The following CSN2 variants were observed in gnomAD, a reference collection of about 807,000 sequenced individuals.
CSN2 encodes the protein casein beta, also known as beta-casein.
In CSN2, 27 loss-of-function variants were observed where a neutral mutation model predicts 27.3. That is an observed-to-expected ratio of 0.99 (90% confidence interval 0.73 to 1.36). CSN2 has a LOEUF of 1.36. Among genes scored for constraint, CSN2 ranks in the 40% most tolerant of loss-of-function variants. The pLI, the probability that CSN2 is intolerant of heterozygous loss-of-function variation, is 0.00. For synonymous variants in CSN2, 131 were observed against 94.8 expected (o/e 1.38, Z -2.22); for missense variants, 333 against 264.5 (o/e 1.26, Z -1.80).
At chr4:69,962,630 C>A (rs1560400250) in intron 1 of CSN2, among the ~76,000 whole-genome samples, 1 of 152,146 alleles carries the variant, frequency 6.6e-6, no homozygotes, top group African/African-American at 2.4e-5. Flanking sequence ...ACCATAAAAA[C>A]CCTAGAAGAA....
intron 1 of CSN2, among the ~76,000 whole-genome samples, chr4:69,965,071 T>C (rs1723751169): frequency 6.6e-6 from 1 of 151,540 alleles, no homozygotes; most frequent in South Asian, 2.1e-4. Flanking sequence ...AATTCTGTAT[T>C]TCTGTCTCAT....
intron 5 of CSN2, 91 bp from the exon 6 acceptor site, chr4:69,957,895 A>T: frequency 8.7e-7 from 1 of 1,145,000 alleles, no homozygotes; most frequent in Non-Finnish European, 1.2e-6. Flanking sequence ...GACAATGATA[A>T]ATGAGTAAAA....
intron 7 of CSN2, 30 bp downstream of exon 7, chr4:69,956,284 C>G: frequency 6.0e-6 from 8 of 1,328,338 alleles, no homozygotes; most frequent in Non-Finnish European, 7.9e-6. Context: ...TAAAAATGAT[C>G]AATTAAATCT....
intron 1 of CSN2, among the ~76,000 whole-genome samples, chr4:69,961,455 C>T (rs1257125659): frequency 6.6e-6 from 1 of 152,100 alleles, no homozygotes; most frequent in Admixed American, 6.6e-5. Context: ...TGTAATCCAG[C>T]ATATAAACAA....
At chr4:69,963,052 G>T (rs1723660627) in intron 1 of CSN2, among the ~76,000 whole-genome samples, 2 of 152,046 alleles carry the variant, frequency 1.3e-5, no homozygotes, top group African/African-American at 2.4e-5. Context: ...TCTCACACCA[G>T]TTAGAATGGC....
chr4:69,965,442 A>ATG (rs1723773883), intron 1 of CSN2, among the ~76,000 whole-genome samples: 2 of 136,076 alleles, frequency 1.5e-5, no homozygotes, highest in African/African-American at 5.4e-5. Context: ...ATATATATAT[A>ATG]TATGCATAAA....
chr4:69,958,042 T>C (rs1723461760), intron 5 of CSN2, among the ~76,000 whole-genome samples: 1 of 152,212 alleles, frequency 6.6e-6, no homozygotes, highest in Non-Finnish European at 1.5e-5. Flanking sequence ...GTGAAATCAA[T>C]GTTTGGATAT....
At chr4:69,963,593 G>T (rs1179975097) in intron 1 of CSN2, among the ~76,000 whole-genome samples, 1 of 151,980 alleles carries the variant, frequency 6.6e-6, no homozygotes, top group Non-Finnish European at 1.5e-5. Flanking sequence ...TTGTGGGGTG[G>T]GGGGAGTGGG....
chr4:69,964,974 C>T (rs1408395887), intron 1 of CSN2, among the ~76,000 whole-genome samples: 2 of 151,564 alleles, frequency 1.3e-5, no homozygotes, highest in Non-Finnish European at 2.9e-5. Flanking sequence ...TTTATATCAT[C>T]TATTATCTTT....
chr4:69,963,502 C>T (rs1482072979), intron 1 of CSN2, among the ~76,000 whole-genome samples: 2 of 152,036 alleles, frequency 1.3e-5, no homozygotes, highest in Non-Finnish European at 1.5e-5. Context: ...AAACCAAACA[C>T]CACATGTTCT....
intron 5 of CSN2, among the ~76,000 whole-genome samples, chr4:69,958,566 C>T (rs1578143862): frequency 6.6e-6 from 1 of 151,978 alleles, no homozygotes; most frequent in East Asian, 1.9e-4. Context: ...TTTTACCAGC[C>T]GTATACACCT....
chr4:69,965,094 T>C (rs1345395122), intron 1 of CSN2, among the ~76,000 whole-genome samples: 1 of 151,390 alleles, frequency 6.6e-6, no homozygotes. Flanking sequence ...TAATATTGTT[T>C]TGAAATATTA....
chr4:69,965,475 A>T, intron 1 of CSN2, among the ~76,000 whole-genome samples: 1 of 122,332 alleles, frequency 8.2e-6, no homozygotes. Context: ...ATTTTCTTAA[A>T]CTCATGAAGG....
chr4:69,964,352 A>AT (rs1208110366), intron 1 of CSN2, among the ~76,000 whole-genome samples: 2 of 151,998 alleles, frequency 1.3e-5, no homozygotes, highest in African/African-American at 4.8e-5. Context: ...GTGTTCTTAC[A>AT]TTTTTTTGTA....
intron 1 of CSN2, among the ~76,000 whole-genome samples, chr4:69,963,375 G>T (rs1723673027): frequency 6.6e-6 from 1 of 151,968 alleles, no homozygotes; most frequent in African/African-American, 2.4e-5. Context: ...AGAAAATGTG[G>T]CACATATACA....
rs1723655446 is a variant in CSN2, at chr4:69,962,973, T to A, written c.-12-1966A>T. Among the ~76,000 whole-genome samples, 4 of 152,034 alleles carry A rather than the reference T, an allele frequency of 2.6e-5. No individual in the cohort carries two copies. The South Asian group carries it at 6.2e-4, about 24-fold the overall frequency. On this transcript the variant is annotated intron_variant, in intron 1 of 7. Transcript: ENST00000353151. Reference sequence around the variant, plus strand: ...AAGAAGACATTTATACAGCCAAAAATCACATGAAAAAATGCTCATCATCAC... The same window carrying A: ...AAGAAGACATTTATACAGCCAAAAAACACATGAAAAAATGCTCATCATCAC...
At chr4:69,963,596 G>A (rs528563142) in intron 1 of CSN2, among the ~76,000 whole-genome samples, 1 of 152,090 alleles carries the variant, frequency 6.6e-6, no homozygotes, top group African/African-American at 2.4e-5. Flanking sequence ...TGGGGTGGGG[G>A]GAGTGGGGAG....
At chr4:69,962,608 G>A (rs545280779) in intron 1 of CSN2, among the ~76,000 whole-genome samples, 133 of 152,132 alleles carry the variant, frequency 8.7e-4, no homozygotes, top group Non-Finnish European at 7.8e-4. Context: ...AGACTTACAT[G>A]TCAGACCTAA....
chr4:69,957,570 CA>C lies in CSN2; in HGVS notation c.378del (p.Phe126LeufsTer24), dbSNP rs1173388777. ...PVLKSPTIPF[F>X]DPQIPKLTDL... Reference sequence around the variant, plus strand: ...TCAGTGAGTTTTGGGATTTGAGGGTCAAAAAAGGGTATCGTTGGAGATTTAA... The same window carrying C: ...TCAGTGAGTTTTGGGATTTGAGGGTCAAAAAGGGTATCGTTGGAGATTTAA... On this transcript the variant is annotated frameshift_variant, in exon 6 of 8. Coordinates refer to ENST00000353151, the MANE Select transcript of CSN2 (RefSeq NM_001891.4). LOFTEE classifies it high-confidence loss of function. 1.9e-6 allele frequency: 3 copies of C among 1,613,316 alleles called. No homozygotes were observed. Among genetic ancestry groups the C allele is most frequent in the African/African-American group, 1.3e-5 (1 of 74,728 alleles).
Sources: gnomAD v4.1 joint callset for allele counts (sites outside exome capture counted in the v4.1 genomes callset) on GRCh38, gnomAD v4.1.1 for gene constraint, MANE v1.5 for transcripts, NCBI Gene and HGNC (gene_info 2026-07-23, HGNC 2026-07-21) for gene names.